BACH1: variants seen among roughly 807,000 people sequenced by gnomAD.
BACH1 encodes transcription regulator protein BACH1.
Under a neutral mutation model 52.9 loss-of-function variants are expected in BACH1, and 35 were observed. The ratio of observed to expected loss-of-function variants is 0.66; its 90% CI spans 0.51 to 0.88. The LOEUF (loss-of-function observed/expected upper bound fraction) is 0.88, where lower values mean the gene tolerates loss of function less well. Among genes scored for constraint, BACH1 ranks in the 40% least tolerant of loss-of-function variants. The pLI is 0.00. For synonymous variants in BACH1, 321 were observed against 319.6 expected (o/e 1.00, Z -0.05); for missense variants, 808 against 872.6 (o/e 0.93, Z 0.93).
chr21:29,320,194 A>ATTCC (rs1337685376), intron 1 of BACH1, among the ~76,000 whole-genome samples: 1 of 152,204 alleles, frequency 6.6e-6, no homozygotes, highest in African/African-American at 2.4e-5. Flanking sequence ...TGTCAGGAGA[A>ATTCC]CAGAAGTGAA....
At chr21:29,336,050 ACT>A (rs1569020033) in intron 4 of BACH1, among the ~76,000 whole-genome samples, 1 of 152,054 alleles carries the variant, frequency 6.6e-6, no homozygotes, top group Non-Finnish European at 1.5e-5. Context: ...TATTCAAATT[ACT>A]CTGATTTTCC....
At chr21:29,328,830 C>G (rs2088947391) in intron 3 of BACH1, among the ~76,000 whole-genome samples, 1 of 152,186 alleles carries the variant, frequency 6.6e-6, no homozygotes, top group Admixed American at 6.5e-5. Context: ...GCTTATTTCA[C>G]TTAGCATGAT....
chr21:29,359,184 T>C (rs2089256476), intron 2 of BACH1: 1 of 152,088 alleles, frequency 6.6e-6, no homozygotes, highest in Non-Finnish European at 1.5e-5. Context: ...AGCAAAGCAC[T>C]ATATTGTATC....
In BACH1 at chr21:29,331,972, C is replaced by T. The variant is rs113919617; in HGVS notation, c.1776+2279C>T. On this transcript the variant is annotated intron_variant, in intron 4 of 4. Transcript: ENST00000286800. Reference sequence around the variant, plus strand: ...CTGGAATGCAGTGGCATGATCTCGGCTCACTGCAACTTCCGCTTCCCGGGT... The same window carrying T: ...CTGGAATGCAGTGGCATGATCTCGGTTCACTGCAACTTCCGCTTCCCGGGT... Among the ~76,000 whole-genome samples, 1,276 of 152,232 alleles carry T rather than the reference C, an allele frequency of 8.4e-3. 22 individuals carry two copies. Among genetic ancestry groups the T allele is most frequent in the African/African-American group, 0.029 (1,215 of 41,536 alleles).
In BACH1 at chr21:29,327,042, C is replaced by T; in HGVS notation, c.1218C>T (p.Cys406=). 1 of 1,614,186 alleles carries T rather than the reference C, an allele frequency of 6.2e-7. No individual in the cohort carries two copies. The highest frequency in any genetic ancestry group is 8.5e-7 in the Non-Finnish European group (1 of 1,180,036). The change falls in exon 3 of 5, where the codon TGC becomes TGT. Residue 406 remains cysteine, a synonymous_variant. Transcript: ENST00000286800. ...HLAKGFWSDI[C]STDTPCQMQL... ...CAAAAGGCTTCTGGAGTGACATTTG[C>T]AGCACGGACACTCCTTGCCAAATGC... is the stretch of plus-strand genomic sequence containing the variant.
Position 29,326,313 on chromosome 21 carries a change from G to A in BACH1, c.489G>A (p.Arg163=). 4.3e-6 allele frequency: 7 copies of A among 1,614,160 alleles called. No individual in the cohort carries two copies. The highest frequency in any genetic ancestry group is 5.9e-6 in the Non-Finnish European group (7 of 1,180,030). Reference sequence around the variant, plus strand: ...TTAAACTTTCACTTTTGGACCAGAGGGATCTAGAAACTGATGAAGTGGAGG... The same window carrying A: ...TTAAACTTTCACTTTTGGACCAGAGAGATCTAGAAACTGATGAAGTGGAGG... ...TDLKLSLLDQ[R]DLETDEVEEF... Residue 163 remains arginine, a synonymous_variant, in exon 3 of 5, where the codon AGG becomes AGA. Coordinates refer to ENST00000286800, the MANE Select transcript of BACH1 (RefSeq NM_001186.4).
At chr21:29,304,500 T>G (rs2088634395) in intron 1 of BACH1, among the ~76,000 whole-genome samples, 1 of 152,202 alleles carries the variant, frequency 6.6e-6, no homozygotes, top group Non-Finnish European at 1.5e-5. Context: ...ATCAGATCAG[T>G]CAGTGGACAG....
At chr21:29,359,957 A>T (rs982961365) in intron 2 of BACH1, among the ~76,000 whole-genome samples, 1 of 152,160 alleles carries the variant, frequency 6.6e-6, no homozygotes, top group Non-Finnish European at 1.5e-5. Flanking sequence ...ATGCAGATTC[A>T]CTGAGTCAGA....
intron 2 of BACH1, among the ~76,000 whole-genome samples, chr21:29,322,805 T>A (rs933326466): frequency 2.6e-5 from 4 of 152,134 alleles, no homozygotes; most frequent in Non-Finnish European, 4.4e-5. Context: ...GAGGTCAGAG[T>A]CAATGGTGCA....
chr21:29,312,916 A>G (rs989003479), intron 1 of BACH1, among the ~76,000 whole-genome samples: 2 of 152,238 alleles, frequency 1.3e-5, no homozygotes, highest in African/African-American at 2.4e-5. Flanking sequence ...TAAAAAGCCC[A>G]GAAGAATTAG....
At position 29,299,140 on chromosome 21, in the gene BACH1, G is replaced by T. The variant is rs907721615; in HGVS notation, c.-61+187G>T. Among the ~76,000 whole-genome samples, 5 of 151,584 alleles carry T rather than the reference G, an allele frequency of 3.3e-5. No homozygotes were observed. In the East Asian group the frequency reaches 9.7e-4, roughly 29 times the overall value. ...GCCCGCGGGGGGCGCCGGCGGCCGG[G>T]ATCCTGGAAGTGGCCGCGACGCCGG... On this transcript the variant is annotated intron_variant, in intron 1 of 4. Coordinates refer to ENST00000286800, the MANE Select transcript of BACH1 (RefSeq NM_001186.4).
intron 1 of BACH1, among the ~76,000 whole-genome samples, chr21:29,307,319 G>A (rs1362396992): frequency 6.6e-6 from 1 of 152,132 alleles, no homozygotes; most frequent in Non-Finnish European, 1.5e-5. Flanking sequence ...TATTCTTGTA[G>A]TACTCCTAAC....
chr21:29,316,800 T>G (rs1279134413), intron 1 of BACH1, among the ~76,000 whole-genome samples: 1 of 152,224 alleles, frequency 6.6e-6, no homozygotes, highest in African/African-American at 2.4e-5. Flanking sequence ...TCCTTGCTCT[T>G]TTTTGGCCTG....
chr21:29,339,747 C>T (rs528973532), intron 4 of BACH1, among the ~76,000 whole-genome samples: 1 of 151,654 alleles, frequency 6.6e-6, no homozygotes, highest in Admixed American at 6.6e-5. Flanking sequence ...ATTCCCCTGC[C>T]TCAGCCTGCC....
chr21:29,309,829 G>C (rs1230199480), intron 1 of BACH1, among the ~76,000 whole-genome samples: 1 of 152,124 alleles, frequency 6.6e-6, no homozygotes, highest in Non-Finnish European at 1.5e-5. Flanking sequence ...ATTTCCTGTT[G>C]TCCCTAATAA....
chr21:29,360,839 C>T (rs1298457102), intron 2 of BACH1, among the ~76,000 whole-genome samples: 1 of 144,702 alleles, frequency 6.9e-6, no homozygotes, highest in Non-Finnish European at 1.5e-5. Context: ...GAGCAAGACC[C>T]TGTCTCAAAA....
At chr21:29,318,444 G>A (rs1022980908) in intron 1 of BACH1, among the ~76,000 whole-genome samples, 3 of 152,246 alleles carry the variant, frequency 2.0e-5, no homozygotes, top group Admixed American at 6.5e-5. Flanking sequence ...AAGGGAGACT[G>A]ATCCTTCTTA....
intron 1 of BACH1, among the ~76,000 whole-genome samples, chr21:29,314,933 T>TA (rs1776774569): frequency 6.6e-6 from 1 of 152,224 alleles, no homozygotes; most frequent in Non-Finnish European, 1.5e-5. Flanking sequence ...GTCATGGAGT[T>TA]ACTCTTCCAG....
intron 2 of BACH1, among the ~76,000 whole-genome samples, chr21:29,322,657 T>C (rs1369688614): frequency 6.6e-6 from 1 of 152,216 alleles, no homozygotes; most frequent in Non-Finnish European, 1.5e-5. Context: ...ATGACAGGTC[T>C]ATGTGGGATA....
Sources: gnomAD v4.1 joint callset for allele counts (sites outside exome capture counted in the v4.1 genomes callset) on GRCh38, gnomAD v4.1.1 for gene constraint, MANE v1.5 for transcripts, NCBI Gene and HGNC (gene_info 2026-07-23, HGNC 2026-07-21) for gene names.